The following RHD variants were observed in gnomAD, a reference collection of about 807,000 sequenced individuals.
RHD encodes blood group Rh(D) polypeptide.
RHD carries 16 observed loss-of-function variants against 45.5 expected under a neutral mutation model. The observed-to-expected ratio is 0.35, with a 90% confidence interval of 0.24 to 0.53. RHD has a LOEUF of 0.53. Ranked by LOEUF, RHD falls within the 20% of genes least tolerant of loss-of-function variation. RHD has a pLI of 0.92. For missense variants in RHD, 306 were observed against 532.0 expected, an observed-to-expected ratio of 0.58 and a Z score of 4.18; for synonymous variants, 131 against 217.5, an observed-to-expected ratio of 0.60 and a Z score of 3.50.
chr1:25,278,339 C>T (rs1032090038), intron 1 of RHD, among the ~76,000 whole-genome samples: 1 of 129,854 alleles, frequency 7.7e-6, no homozygotes, highest in Non-Finnish European at 1.8e-5. Flanking sequence ...GTTAAGGGGC[C>T]TATGATATGC....
chr1:25,296,569 G>T (rs1328796421), intron 3 of RHD, among the ~76,000 whole-genome samples: 2 of 129,794 alleles, frequency 1.5e-5, no homozygotes, highest in African/African-American at 5.3e-5. Context: ...TGATGCAGTT[G>T]GGTTCTGTAT....
chr1:25,278,576 G>A lies in RHD; in HGVS notation c.148+5881G>A, dbSNP rs371491457. On this transcript the variant is annotated intron_variant, in intron 1 of 9. Transcript: ENST00000328664. Reference sequence around the variant, plus strand: ...GATGACCTCATTCACGTGTTTGGCAGTTGGTGATTCACTGGGGGCCATTAC... The same window carrying A: ...GATGACCTCATTCACGTGTTTGGCAATTGGTGATTCACTGGGGGCCATTAC... Among the ~76,000 whole-genome samples the A allele has an allele frequency of 7.6e-5, 10 of 131,334 alleles. 1 individual carries two copies. Among genetic ancestry groups the A allele is most frequent in the East Asian group, 2.0e-4 (1 of 5,108 alleles). The allele number at this position is 131,334 out of a possible 152,430, so 86.2% of individuals were successfully genotyped here.
intron 2 of RHD, among the ~76,000 whole-genome samples, chr1:25,287,672 A>C (rs1312435156): frequency 7.4e-6 from 1 of 135,622 alleles, no homozygotes; most frequent in East Asian, 1.9e-4. Flanking sequence ...GCAAATGGCT[A>C]TTGGAGCAAA....
Position 25,321,259 on chromosome 1 carries a change from G to A in RHD, c.1154-630G>A, listed in dbSNP as rs570634004. 6.4e-5 allele frequency among the ~76,000 whole-genome samples: 8 copies of A among 125,656 alleles called. 2 individuals carry two copies. The East Asian group carries it at 7.9e-4, about 12-fold the overall frequency. 82.4% of individuals were successfully genotyped at this position (125,656 alleles called of 152,430 possible). On this transcript the variant is annotated intron_variant, in intron 8 of 9. Transcript: ENST00000328664. ...ATATGTCTTACATGGATCAGCTTTC[G>A]TGGGGCCCTTTTACTCCATCTGGGG... is the stretch of plus-strand genomic sequence containing the variant.
chr1:25,288,111 G>A lies in RHD; in HGVS notation c.336-2530G>A, dbSNP rs183045367. Among the ~76,000 whole-genome samples, 829 of 132,562 alleles carry A rather than the reference G, an allele frequency of 6.3e-3. 221 individuals carry two copies. The highest frequency in any genetic ancestry group is 0.012 in the Non-Finnish European group (667 of 55,850). 87.0% of individuals were successfully genotyped at this position (132,562 alleles called of 152,430 possible). ...TGGCTCACTCAGCCTCAACCTCACT[G>A]GGTTCAGGTGATCCTCCTGCCTCAG... On this transcript the variant is annotated intron_variant, in intron 2 of 9. Transcript: ENST00000328664.
In RHD at chr1:25,292,702, G is replaced by C. The variant is rs1347690826; in HGVS notation, c.486+1911G>C. ...AACATCCCAGTGGAGACACTGAATGGAGATGTACAAGTCTGAAGCTTAGTG... is the reference window on the plus strand; with the variant it reads ...AACATCCCAGTGGAGACACTGAATGCAGATGTACAAGTCTGAAGCTTAGTG... On this transcript the variant is annotated intron_variant, in intron 3 of 9. Transcript: ENST00000328664. Among the ~76,000 whole-genome samples, 6 of 127,854 alleles carry C rather than the reference G, an allele frequency of 4.7e-5. 1 individual carries two copies. Among genetic ancestry groups the C allele is most frequent in the African/African-American group, 1.6e-4 (6 of 37,626 alleles). The allele number at this position is 127,854 out of a possible 152,430, so 83.9% of individuals were successfully genotyped here.
In RHD at chr1:25,329,242, T is replaced by C. The variant is rs1644934491; in HGVS notation, c.*318T>C. On this transcript the variant is annotated 3_prime_UTR_variant, in exon 10 of 10. Coordinates refer to ENST00000328664, the MANE Select transcript of RHD (RefSeq NM_016124.6). Reference sequence around the variant, plus strand: ...TTAATTTATTATTATTCCTTGTTTTTTTTTTTTTTTTTTTTTTTTTGAGAT... The same window carrying C: ...TTAATTTATTATTATTCCTTGTTTTCTTTTTTTTTTTTTTTTTTTTGAGAT... 3 of 591,926 alleles carry C rather than the reference T, an allele frequency of 5.1e-6. No homozygotes were observed. The allele number at this position is 591,926 out of a possible 1,614,324, so 36.7% of individuals were successfully genotyped here. A position where few individuals can be genotyped will look rare whatever the true frequency, so the allele number is the denominator to read the frequency against.
Position 25,316,618 on chromosome 1 carries a change from G to GA in RHD, c.1074-364dup, listed in dbSNP as rs1171433774. 5.3e-3 allele frequency among the ~76,000 whole-genome samples: 215 copies of GA among 40,636 alleles called. 9 individuals carry two copies. Among genetic ancestry groups the GA allele is most frequent in the East Asian group, 0.011 (18 of 1,566 alleles). 26.7% of individuals were successfully genotyped at this position (40,636 alleles called of 152,430 possible). On this transcript the variant is annotated intron_variant, in intron 7 of 9. Coordinates refer to ENST00000328664, the MANE Select transcript of RHD (RefSeq NM_016124.6). ...AGACTCCATCTCACAAACAAAAACA[G>GA]AAAAAAAAAAAAAAAAAAGAGAGAG...
At position 25,284,244 on chromosome 1, in the gene RHD, G is replaced by A. The variant is rs1425537671; in HGVS notation, c.149-329G>A. On this transcript the variant is annotated intron_variant, in intron 1 of 9. Transcript: ENST00000328664. Reference sequence around the variant, plus strand: ...CTGAGTGTCCATGTGCGTCAAGCACGTGTGCTTTACACTTGTTCTTATTAT... The same window carrying A: ...CTGAGTGTCCATGTGCGTCAAGCACATGTGCTTTACACTTGTTCTTATTAT... 2.2e-5 allele frequency among the ~76,000 whole-genome samples: 3 copies of A among 136,126 alleles called. 1 individual carries two copies. The highest frequency in any genetic ancestry group is 7.5e-5 in the African/African-American group (3 of 39,778). The allele number at this position is 136,126 out of a possible 152,430, so 89.3% of individuals were successfully genotyped here. A position where few individuals can be genotyped will look rare whatever the true frequency, so the allele number is the denominator to read the frequency against.
Position 25,281,637 on chromosome 1 carries a change from A to G in RHD, c.149-2936A>G, listed in dbSNP as rs1429075916. On this transcript the variant is annotated intron_variant, in intron 1 of 9. Transcript: ENST00000328664. ...AATCCCAAGAGGAACCCCTGTAGAA[A>G]ATGTCCCCTGGCCACACACCCCCAT... 6.9e-5 allele frequency among the ~76,000 whole-genome samples: 9 copies of G among 131,084 alleles called. 2 individuals are homozygous for G. Among genetic ancestry groups the G allele is most frequent in the Admixed American group, 3.0e-4 (4 of 13,402 alleles). The allele number at this position is 131,084 out of a possible 152,430, so 86.0% of individuals were successfully genotyped here.
At chr1:25,307,161 C>T (rs1643894565) in intron 7 of RHD, among the ~76,000 whole-genome samples, 1 of 132,514 alleles carries the variant, frequency 7.5e-6, no homozygotes, top group Non-Finnish European at 1.8e-5. Context: ...TATCTCCCCT[C>T]ACAGGACTGT....
Position 25,273,226 on chromosome 1 carries a change from C to T in RHD, c.148+531C>T, listed in dbSNP as rs1192966606. On this transcript the variant is annotated intron_variant, in intron 1 of 9. Coordinates refer to ENST00000328664, the MANE Select transcript of RHD (RefSeq NM_016124.6). ...TCATGGTTCACTGCAGCCTTGACCT[C>T]CTAGTCTCAAGCAATCTTCCCACCT... 3.9e-5 allele frequency among the ~76,000 whole-genome samples: 5 copies of T among 128,126 alleles called. 2 individuals carry two copies. The highest frequency in any genetic ancestry group is 9.2e-5 in the Non-Finnish European group (5 of 54,248). 84.1% of individuals were successfully genotyped at this position (128,126 alleles called of 152,430 possible). A position where few individuals can be genotyped will look rare whatever the true frequency, so the allele number is the denominator to read the frequency against.
intron 3 of RHD, among the ~76,000 whole-genome samples, chr1:25,298,165 T>A: frequency 8.8e-6 from 1 of 113,084 alleles, no homozygotes; most frequent in South Asian, 3.1e-4. Flanking sequence ...GGGTCATTTT[T>A]CCACTCTGGT....
chr1:25,276,687 A>C (rs1571574443), intron 1 of RHD, among the ~76,000 whole-genome samples: 1 of 129,772 alleles, frequency 7.7e-6, no homozygotes. Context: ...TCACTCCAGC[A>C]TGGGCGACAG....
In RHD at chr1:25,277,426, C is replaced by T. The variant is rs1463872410; in HGVS notation, c.148+4731C>T. Reference sequence around the variant, plus strand: ...CTAGGCCAGACCTACTGATCAGAAGCTCTGGGCCTGGGGCCCAGCAGTCTG... The same window carrying T: ...CTAGGCCAGACCTACTGATCAGAAGTTCTGGGCCTGGGGCCCAGCAGTCTG... On this transcript the variant is annotated intron_variant, in intron 1 of 9. Transcript: ENST00000328664. 2.2e-5 allele frequency among the ~76,000 whole-genome samples: 3 copies of T among 133,480 alleles called. 1 individual carries two copies. Among genetic ancestry groups the T allele is most frequent in the Admixed American group, 1.4e-4 (2 of 13,858 alleles). 87.6% of individuals were successfully genotyped at this position (133,480 alleles called of 152,430 possible).
rs540151380 is a variant in RHD, at chr1:25,275,897, C to A, written c.148+3202C>A. ...AGGAGAAGTTTCACTCTGCCTTTTC[C>A]CTTTTGTTCACTTGACTGCCATTAT... On this transcript the variant is annotated intron_variant, in intron 1 of 9. Coordinates refer to ENST00000328664, the MANE Select transcript of RHD (RefSeq NM_016124.6). Among the ~76,000 whole-genome samples, 12 of 132,048 alleles carry A rather than the reference C, an allele frequency of 9.1e-5. 1 individual carries two copies. Among genetic ancestry groups the A allele is most frequent in the African/African-American group, 3.1e-4 (12 of 38,740 alleles). 86.6% of individuals were successfully genotyped at this position (132,048 alleles called of 152,430 possible).
chr1:25,301,556 A>G lies in RHD; in HGVS notation c.671A>G (p.Asn224Ser), dbSNP rs756129923. 2.2e-6 allele frequency: 3 copies of G among 1,378,768 alleles called. 1 individual carries two copies. The highest frequency in any genetic ancestry group is 1.4e-5 in the African/African-American group (1 of 70,166). The allele number at this position is 1,378,768 out of a possible 1,614,324, so 85.4% of individuals were successfully genotyped here. The change falls in exon 5 of 10, where the codon AAC becomes AGC. Residue 224 changes from asparagine (N) to serine (S), a missense_variant. By Grantham distance (46) the Asn-to-Ser change is conservative. Coordinates refer to ENST00000328664, the MANE Select transcript of RHD (RefSeq NM_016124.6). ...TTGTGGATGTTCTGGCCAAGTTTCA[A>G]CTCTGCTCTGCTGAGAAGTCCAATC... ...LFLWMFWPSF[N>S]SALLRSPIER...
At position 25,320,957 on chromosome 1, in the gene RHD, T is replaced by G. The variant is rs187317244; in HGVS notation, c.1154-932T>G. 5.3e-5 allele frequency among the ~76,000 whole-genome samples: 7 copies of G among 130,896 alleles called. 3 individuals carry two copies. The highest frequency in any genetic ancestry group is 9.0e-5 in the Non-Finnish European group (5 of 55,252). 85.9% of individuals were successfully genotyped at this position (130,896 alleles called of 152,430 possible). A position where few individuals can be genotyped will look rare whatever the true frequency, so the allele number is the denominator to read the frequency against. On this transcript the variant is annotated intron_variant, in intron 8 of 9. Transcript: ENST00000328664. ...TACTTGGGAGGCTGAGGTGGGAGGG[T>G]TGCTTGACCCCGGGAGTTTGAGGCT...
At chr1:25,300,800 G>A in intron 3 of RHD, 146 bp from the exon 4 acceptor site, 1 of 931,800 alleles carries the variant, frequency 1.1e-6, no homozygotes, top group Non-Finnish European at 1.7e-6. Flanking sequence ...AGCCTGCTGG[G>A]TTGGGCTGGG....
Sources: gnomAD v4.1 joint callset for allele counts (sites outside exome capture counted in the v4.1 genomes callset) on GRCh38, gnomAD v4.1.1 for gene constraint, MANE v1.5 for transcripts, NCBI Gene and HGNC (gene_info 2026-07-23, HGNC 2026-07-21) for gene names.